The following CSMD1 variants were observed in gnomAD, a reference collection of about 807,000 sequenced individuals.
CSMD1 encodes CUB and sushi domain-containing protein 1.
In CSMD1, 213 loss-of-function variants were observed where a neutral mutation model predicts 417.5. The observed-to-expected ratio is 0.51, with a 90% CI of 0.46 to 0.57. The LOEUF (loss-of-function observed/expected upper bound fraction) is 0.57. Ranked by LOEUF, CSMD1 falls within the 20% of genes least tolerant of loss-of-function variation. CSMD1 has a pLI of 0.00. For missense variants in CSMD1, 6,923 were observed against 4,529.7 expected (o/e 1.53, Z -15.17); for synonymous variants, 2,862 against 1,736.8 (o/e 1.65, Z -16.11).
chr8:3,950,564 T>C (rs1811534069), intron 5 of CSMD1, among the ~76,000 whole-genome samples: 3 of 152,218 alleles, frequency 2.0e-5, no homozygotes, highest in Admixed American at 2.0e-4. Flanking sequence ...AGCGTTCCGC[T>C]TGCCCATAGC....
intron 5 of CSMD1, among the ~76,000 whole-genome samples, chr8:3,938,772 T>C (rs191267755): frequency 6.6e-6 from 1 of 152,310 alleles, no homozygotes; most frequent in East Asian, 1.9e-4. Context: ...TTGTTGTTAA[T>C]GTGACACGTC....
intron 3 of CSMD1, among the ~76,000 whole-genome samples, chr8:4,136,616 T>C (rs1395812349): frequency 2.0e-5 from 3 of 152,232 alleles, no homozygotes; most frequent in Non-Finnish European, 4.4e-5. Context: ...AGAGGTTGAA[T>C]ATATTTCCAT....
At chr8:3,266,501 G>C (rs1424411982) in intron 26 of CSMD1, among the ~76,000 whole-genome samples, 1 of 151,062 alleles carries the variant, frequency 6.6e-6, no homozygotes, top group African/African-American at 2.4e-5. Flanking sequence ...AGCTACTTGG[G>C]AGGCTGAGGC....
chr8:3,418,252 T>C (rs892367283), intron 12 of CSMD1, among the ~76,000 whole-genome samples: 15 of 152,156 alleles, frequency 9.9e-5, no homozygotes, highest in Admixed American at 2.0e-4. Context: ...ACTCTGGAAA[T>C]TCGGGCTATA....
At chr8:4,757,695 A>AT (rs1459278567) in intron 1 of CSMD1, among the ~76,000 whole-genome samples, 1 of 152,174 alleles carries the variant, frequency 6.6e-6, no homozygotes, top group African/African-American at 2.4e-5. Context: ...ATGGTGGCTT[A>AT]TGTCTGTAAT....
chr8:4,313,983 C>T (rs1798776258), intron 3 of CSMD1, among the ~76,000 whole-genome samples: 1 of 151,588 alleles, frequency 6.6e-6, no homozygotes. Context: ...CCCTGCACTC[C>T]AGCCTGGGCA....
At chr8:4,839,860 T>C (rs1378119376) in intron 1 of CSMD1, among the ~76,000 whole-genome samples, 1 of 152,208 alleles carries the variant, frequency 6.6e-6, no homozygotes, top group African/African-American at 2.4e-5. Flanking sequence ...AGAATGTATA[T>C]CTTTCAATTC....
chr8:3,069,606 C>T (rs1813189592), intron 49 of CSMD1, among the ~76,000 whole-genome samples: 1 of 152,148 alleles, frequency 6.6e-6, no homozygotes, highest in African/African-American at 2.4e-5. Flanking sequence ...GGCAGCTTTG[C>T]TTCTGTGGTT....
intron 1 of CSMD1, among the ~76,000 whole-genome samples, chr8:4,926,162 C>A (rs1193718266): frequency 6.6e-6 from 1 of 152,132 alleles, no homozygotes; most frequent in African/African-American, 2.4e-5. Context: ...ATTGAAAGGA[C>A]AGCCAAGCCT....
intron 30 of CSMD1, among the ~76,000 whole-genome samples, chr8:3,207,125 C>A (rs1018369386): frequency 2.7e-5 from 4 of 149,550 alleles, no homozygotes; most frequent in African/African-American, 9.8e-5. Context: ...CTTGATATGG[C>A]CATTTTCTTT....
chr8:4,966,339 A>T (rs1239491711), intron 1 of CSMD1, among the ~76,000 whole-genome samples: 1 of 152,126 alleles, frequency 6.6e-6, no homozygotes, highest in African/African-American at 2.4e-5. Flanking sequence ...AGATCACACC[A>T]TTGCACTCCA....
chr8:4,180,285 G>T (rs935352190), intron 3 of CSMD1, among the ~76,000 whole-genome samples: 1 of 151,982 alleles, frequency 6.6e-6, no homozygotes, highest in Non-Finnish European at 1.5e-5. Flanking sequence ...TAGGGATATG[G>T]ATGACACTGG....
intron 3 of CSMD1, among the ~76,000 whole-genome samples, chr8:4,251,292 G>C (rs990463300): frequency 2.0e-5 from 3 of 152,056 alleles, no homozygotes; most frequent in Admixed American, 1.3e-4. Flanking sequence ...ATGTTAAAAA[G>C]TACTGTATTA....
At chr8:3,729,431 G>A (rs554165034) in intron 6 of CSMD1, among the ~76,000 whole-genome samples, 2 of 152,280 alleles carry the variant, frequency 1.3e-5, no homozygotes, top group Admixed American at 6.5e-5. Context: ...TTAAAAGAGG[G>A]ATATAATATC....
chr8:4,960,354 A>G (rs963062535), intron 1 of CSMD1, among the ~76,000 whole-genome samples: 1 of 152,212 alleles, frequency 6.6e-6, no homozygotes, highest in Non-Finnish European at 1.5e-5. Context: ...GAAGAGAATA[A>G]GAAATATCAC....
intron 2 of CSMD1, among the ~76,000 whole-genome samples, chr8:4,508,712 G>C (rs1280541983): frequency 6.6e-6 from 1 of 152,106 alleles, no homozygotes; most frequent in African/African-American, 2.4e-5. Flanking sequence ...ATTTTTAGCT[G>C]CTTCAAAGGG....
chr8:4,062,854 G>A (rs1214498804), intron 3 of CSMD1, among the ~76,000 whole-genome samples: 1 of 151,100 alleles, frequency 6.6e-6, no homozygotes, highest in Non-Finnish European at 1.5e-5. Flanking sequence ...TACCAGCCAA[G>A]AGAAATGAAA....
chr8:3,365,054 G>C (rs551900920), intron 20 of CSMD1, among the ~76,000 whole-genome samples: 4 of 152,138 alleles, frequency 2.6e-5, no homozygotes, highest in Admixed American at 2.6e-4. Flanking sequence ...ATTCATTTTG[G>C]GTCCTGATGA....
At chr8:3,349,541 G>C (rs188257154) in intron 21 of CSMD1, among the ~76,000 whole-genome samples, 1 of 151,874 alleles carries the variant, frequency 6.6e-6, no homozygotes, top group African/African-American at 2.4e-5. Flanking sequence ...GGCTCTCGGG[G>C]TGCAAGTGTT....
Sources: gnomAD v4.1 joint callset for allele counts (sites outside exome capture counted in the v4.1 genomes callset) on GRCh38, gnomAD v4.1.1 for gene constraint, MANE v1.5 for transcripts, NCBI Gene and HGNC (gene_info 2026-07-23, HGNC 2026-07-21) for gene names.